The following ZFHX3 variants were observed in gnomAD, a reference collection of about 807,000 sequenced individuals.
ZFHX3 encodes the protein zinc finger homeobox protein 3.
A neutral mutation model predicts 279.1 loss-of-function variants in ZFHX3; 42 were observed. The ratio of observed to expected loss-of-function variants is 0.15; its 90% CI spans 0.12 to 0.19. ZFHX3 has a LOEUF of 0.19. Ranked by LOEUF, ZFHX3 falls within the 10% of genes least tolerant of loss-of-function variation. ZFHX3 has a pLI of 1.00. For missense variants in ZFHX3, 4,981 were observed against 4,754.0 expected, an observed-to-expected ratio of 1.05 and a Z score of -1.40; for synonymous variants, 2,293 against 1,957.8, an observed-to-expected ratio of 1.17 and a Z score of -4.52.
chr16:73,022,664 C>G (rs1183441368), intron 1 of ZFHX3, among the ~76,000 whole-genome samples: 1 of 152,114 alleles, frequency 6.6e-6, no homozygotes, highest in African/African-American at 2.4e-5. Context: ...CAATGACGGC[C>G]CACATGCCAC....
At chr16:73,573,232 C>T (rs1050649574) in intron 2 of ZFHX3, among the ~76,000 whole-genome samples, 6 of 152,200 alleles carry the variant, frequency 3.9e-5, no homozygotes, top group African/African-American at 1.2e-4. Flanking sequence ...TGCTTTCACT[C>T]GTGCTCTGAC....
chr16:73,758,037 G>A (rs1242752385), intron 1 of ZFHX3, among the ~76,000 whole-genome samples: 1 of 152,134 alleles, frequency 6.6e-6, no homozygotes, highest in Non-Finnish European at 1.5e-5. Context: ...CTCAGGATTG[G>A]CAGACATTTG....
chr16:73,840,802 G>A (rs560688805), intron 1 of ZFHX3, among the ~76,000 whole-genome samples: 62 of 152,182 alleles, frequency 4.1e-4, no homozygotes, highest in Middle Eastern at 3.4e-3. Context: ...GAAAATAGTC[G>A]ACTGATGAGA....
At chr16:73,581,659 CTTTTTTTTTTTTTTTT>C (rs11286052) in intron 2 of ZFHX3, among the ~76,000 whole-genome samples, 4 of 73,428 alleles carry the variant, frequency 5.4e-5, no homozygotes, top group Admixed American at 1.5e-4. Context: ...TCGAATGTCT[CTTTTTTTTTTTTTTTT>C]TTTTTTTTTT....
intron 1 of ZFHX3, among the ~76,000 whole-genome samples, chr16:73,740,813 G>C (rs938588360): frequency 1.3e-5 from 2 of 152,042 alleles, no homozygotes; most frequent in Non-Finnish European, 1.5e-5. Context: ...CTTCCATCAG[G>C]GGCTTCTCAT....
intron 1 of ZFHX3, among the ~76,000 whole-genome samples, chr16:73,053,566 A>C (rs151118008): frequency 2.4e-4 from 37 of 152,272 alleles, no homozygotes; most frequent in Middle Eastern, 3.4e-3. Flanking sequence ...GAGGTGTTAC[A>C]AAGAAAGGAA....
intron 1 of ZFHX3, among the ~76,000 whole-genome samples, chr16:73,740,497 A>C (rs929714117): frequency 1.3e-5 from 2 of 152,136 alleles, no homozygotes; most frequent in Non-Finnish European, 2.9e-5. Flanking sequence ...ATTGTTCCAC[A>C]TCTCTCTTTG....
chr16:73,301,691 C>T (rs2015059176), intron 4 of ZFHX3, among the ~76,000 whole-genome samples: 1 of 151,518 alleles, frequency 6.6e-6, no homozygotes, highest in South Asian at 2.1e-4. Context: ...CCAAGTCCCT[C>T]ATGGCTTAAT....
At chr16:73,639,732 C>A (rs1041539692) in intron 2 of ZFHX3, among the ~76,000 whole-genome samples, 13 of 152,010 alleles carry the variant, frequency 8.6e-5, no homozygotes, top group Non-Finnish European at 1.9e-4. Flanking sequence ...TTCTCCCAAT[C>A]CCACCAAAGT....
chr16:73,643,552 T>A (rs1462045490), intron 2 of ZFHX3, among the ~76,000 whole-genome samples: 1 of 152,244 alleles, frequency 6.6e-6, no homozygotes, highest in Non-Finnish European at 1.5e-5. Context: ...AACTATGCTT[T>A]AAACTCATGT....
At chr16:73,577,023 C>T (rs1328109505) in intron 2 of ZFHX3, among the ~76,000 whole-genome samples, 1 of 152,094 alleles carries the variant, frequency 6.6e-6, no homozygotes, top group African/African-American at 2.4e-5. Context: ...CACTTTGGAA[C>T]TCAGTGTATT....
chr16:73,148,132 G>A (rs368037771), intron 5 of ZFHX3, among the ~76,000 whole-genome samples: 5 of 152,176 alleles, frequency 3.3e-5, no homozygotes, highest in South Asian at 2.1e-4. Context: ...ATTCATTTAT[G>A]TATTGTCTAT....
intron 4 of ZFHX3, among the ~76,000 whole-genome samples, chr16:72,830,489 G>T (rs2037036588): frequency 6.6e-6 from 1 of 152,262 alleles, no homozygotes; most frequent in African/African-American, 2.4e-5. Flanking sequence ...TGGGAAGTGA[G>T]ATTTGTAGAG....
At chr16:72,872,917 T>C (rs1416768205) in intron 4 of ZFHX3, among the ~76,000 whole-genome samples, 1 of 152,206 alleles carries the variant, frequency 6.6e-6, no homozygotes, top group Non-Finnish European at 1.5e-5. Flanking sequence ...TTAGGCAGAA[T>C]GGCCTGCTCA....
At chr16:73,315,392 C>A (rs1416223332) in intron 4 of ZFHX3, among the ~76,000 whole-genome samples, 1 of 152,056 alleles carries the variant, frequency 6.6e-6, no homozygotes, top group Non-Finnish European at 1.5e-5. Flanking sequence ...AAAGTTTCTA[C>A]CTTTTAGTTT....
intron 3 of ZFHX3, among the ~76,000 whole-genome samples, chr16:73,435,125 A>G (rs2017974083): frequency 1.3e-5 from 2 of 152,032 alleles, no homozygotes; most frequent in Admixed American, 1.3e-4. Context: ...CTAGGCAGAG[A>G]TTTCCCAGGT....
At chr16:73,499,484 C>T (rs938814946) in intron 2 of ZFHX3, 1 of 152,180 alleles carries the variant, frequency 6.6e-6, no homozygotes, top group Non-Finnish European at 1.5e-5. Flanking sequence ...TGCGGAACAC[C>T]GGATCTTTCC....
At chr16:72,884,834 G>A (rs1473345677) in intron 4 of ZFHX3, among the ~76,000 whole-genome samples, 1 of 152,206 alleles carries the variant, frequency 6.6e-6, no homozygotes, top group African/African-American at 2.4e-5. Context: ...GTAAACCAGG[G>A]AAGCAAATGG....
At chr16:73,167,930 T>A (rs1379232143) in intron 5 of ZFHX3, among the ~76,000 whole-genome samples, 1 of 152,234 alleles carries the variant, frequency 6.6e-6, no homozygotes, top group African/African-American at 2.4e-5. Flanking sequence ...ACTCGATGCT[T>A]CCCACTGTCA....
Sources: allele counts gnomAD v4.1 joint callset (sites outside exome capture counted in the v4.1 genomes callset), GRCh38; gene constraint gnomAD v4.1.1; transcripts MANE v1.5; gene names NCBI Gene and HGNC (gene_info 2026-07-23, HGNC 2026-07-21).